The following CTNNA1 variants were observed in gnomAD, a reference collection of about 807,000 sequenced individuals.
The protein encoded by CTNNA1 is catenin alpha-1.
A neutral mutation model predicts 98.4 loss-of-function variants in CTNNA1; 37 were observed. The observed-to-expected ratio is 0.38, with a 90% confidence interval of 0.29 to 0.49. The LOEUF is 0.49. CTNNA1 is among the 20% of genes least tolerant of loss of function. The pLI is 0.95. For synonymous variants in CTNNA1, 404 were observed against 413.2 expected (o/e 0.98, Z 0.27); for missense variants, 761 against 1,147.2 (o/e 0.66, Z 4.86).
At chr5:138,755,705 C>CTG (rs991571037) in intron 1 of CTNNA1, among the ~76,000 whole-genome samples, 7 of 152,172 alleles carry the variant, frequency 4.6e-5, no homozygotes, top group African/African-American at 1.7e-4. Flanking sequence ...ACATGGTCAC[C>CTG]TGTGCATTGG....
chr5:138,926,380 G>A (rs1764039026), intron 13 of CTNNA1, among the ~76,000 whole-genome samples: 1 of 152,226 alleles, frequency 6.6e-6, no homozygotes, highest in East Asian at 1.9e-4. Context: ...GCTCTCCTGA[G>A]CACAGTGCAG....
At chr5:138,796,975 A>C (rs1757053218) in intron 3 of CTNNA1, among the ~76,000 whole-genome samples, 2 of 152,204 alleles carry the variant, frequency 1.3e-5, no homozygotes, top group Admixed American at 1.3e-4. Context: ...GAAAATTTTA[A>C]AAATGAGATT....
chr5:138,854,446 A>T (rs1293284366), intron 7 of CTNNA1, among the ~76,000 whole-genome samples: 1 of 152,204 alleles, frequency 6.6e-6, no homozygotes, highest in Non-Finnish European at 1.5e-5. Flanking sequence ...GAACACATGT[A>T]CTTGTGTCTG....
Position 138,932,729 on chromosome 5 carries a change from C to G in CTNNA1, c.2433+17C>G, listed in dbSNP as rs749721936. 1 of 1,613,086 alleles carries G rather than the reference C, an allele frequency of 6.2e-7. No homozygotes were observed. The highest frequency in any genetic ancestry group is 8.5e-7 in the Non-Finnish European group (1 of 1,179,600). ...GTCTCTGGGGTAAGCATTAGCTGAACAAAAAGAGGGCCAGTGGGAACGTGC... is the reference window on the plus strand; with the variant it reads ...GTCTCTGGGGTAAGCATTAGCTGAAGAAAAAGAGGGCCAGTGGGAACGTGC... On this transcript the variant is annotated intron_variant, in intron 17 of 17. Coordinates refer to ENST00000302763, the MANE Select transcript of CTNNA1 (RefSeq NM_001903.5).
chr5:138,769,760 C>G (rs906001046), intron 1 of CTNNA1, among the ~76,000 whole-genome samples: 1 of 151,744 alleles, frequency 6.6e-6, no homozygotes, highest in Admixed American at 6.6e-5. Context: ...CTCGAACTCC[C>G]GACCTCAGGT....
chr5:138,915,587 A>C (rs116717602), intron 10 of CTNNA1, among the ~76,000 whole-genome samples: 1,602 of 152,352 alleles, frequency 0.011, 26 homozygotes, highest in African/African-American at 0.037. Flanking sequence ...CCAGAGAAGT[A>C]AAAACACAGA....
At chr5:138,887,718 C>A (rs1311876809) in intron 9 of CTNNA1, 76 bp downstream of exon 9, 6 of 1,306,092 alleles carry the variant, frequency 4.6e-6, no homozygotes, top group Middle Eastern at 3.8e-4. Context: ...ATTATTTAAT[C>A]AGTTAAAATT....
chr5:138,770,229 C>G (rs927029207), intron 1 of CTNNA1, among the ~76,000 whole-genome samples: 4 of 152,060 alleles, frequency 2.6e-5, no homozygotes, highest in Non-Finnish European at 4.4e-5. Context: ...TTTCTTTTTT[C>G]TCTTGTGCCT....
chr5:138,776,552 C>T (rs994601807), intron 1 of CTNNA1, among the ~76,000 whole-genome samples: 2 of 152,208 alleles, frequency 1.3e-5, no homozygotes, highest in African/African-American at 4.8e-5. Flanking sequence ...TCTCAATGAG[C>T]TGCTGGGCAC....
At chr5:138,819,894 C>T (rs1170380321) in intron 5 of CTNNA1, among the ~76,000 whole-genome samples, 3 of 151,606 alleles carry the variant, frequency 2.0e-5, no homozygotes, top group Admixed American at 2.0e-4. Context: ...CCTTGCTGTT[C>T]TTGGGAGTGA....
intron 1 of CTNNA1, among the ~76,000 whole-genome samples, chr5:138,763,978 A>G (rs1752632998): frequency 6.6e-6 from 1 of 152,172 alleles, no homozygotes; most frequent in Non-Finnish European, 1.5e-5. Context: ...TGAGGTCAGG[A>G]GTTCAAGACT....
intron 7 of CTNNA1, chr5:138,880,767 G>T (rs915822676): frequency 6.8e-6 from 2 of 293,292 alleles, no homozygotes; most frequent in East Asian, 1.6e-4. Context: ...TTGAAGAATC[G>T]TTCAATTTTA....
chr5:138,874,755 ACATGTCTC>A lies in CTNNA1; in HGVS notation c.1063-11456_1063-11449del, dbSNP rs1484782506. On this transcript the variant is annotated intron_variant, in intron 7 of 17. Transcript: ENST00000302763. This position sits in a 1 kb window ranked among gnomAD's most constrained non-coding sequence, Gnocchi z 4.1. Reference sequence around the variant, plus strand: ...TTAAGCCATTTAAAAAGAAGATAAAACATGTCTCTGTCATCATCGATATATGCTTTTAC... The same window carrying A: ...TTAAGCCATTTAAAAAGAAGATAAAATGTCATCATCGATATATGCTTTTAC... Among the ~76,000 whole-genome samples the A allele has an allele frequency of 2.0e-5, 3 of 152,148 alleles. No homozygotes were observed. The highest frequency in any genetic ancestry group is 4.4e-5 in the Non-Finnish European group (3 of 68,028).
intron 8 of CTNNA1, among the ~76,000 whole-genome samples, 178 bp downstream of exon 8, chr5:138,886,470 T>C (rs1395094562): frequency 1.3e-5 from 2 of 152,198 alleles, no homozygotes; most frequent in Non-Finnish European, 2.9e-5. Context: ...TCAAATTTCA[T>C]GAAGACATGG....
intron 7 of CTNNA1, among the ~76,000 whole-genome samples, chr5:138,833,335 G>A (rs1761463102): frequency 6.6e-6 from 1 of 152,134 alleles, no homozygotes; most frequent in African/African-American, 2.4e-5. Context: ...TATTCAGTGT[G>A]GTAGCCACTC....
At chr5:138,876,048 T>C (rs1277203078) in intron 7 of CTNNA1, among the ~76,000 whole-genome samples, 2 of 152,184 alleles carry the variant, frequency 1.3e-5, no homozygotes, top group African/African-American at 2.4e-5. Context: ...GCTGAGTTGA[T>C]CTTTAAATGT....
At chr5:138,865,206 CCCTGTTGT>C (rs1442700809) in intron 7 of CTNNA1, among the ~76,000 whole-genome samples, 4 of 152,134 alleles carry the variant, frequency 2.6e-5, no homozygotes, top group Non-Finnish European at 5.9e-5. Context: ...TGTGTTGGAG[CCCTGTTGT>C]CTGGTCCCAG....
At chr5:138,835,294 A>G (rs539908255) in intron 7 of CTNNA1, among the ~76,000 whole-genome samples, 3 of 152,186 alleles carry the variant, frequency 2.0e-5, no homozygotes, top group Admixed American at 6.5e-5. Context: ...AGTATTTTCC[A>G]TGCTAGACTG....
chr5:138,857,924 A>T (rs1164943313), intron 7 of CTNNA1, among the ~76,000 whole-genome samples: 1 of 152,202 alleles, frequency 6.6e-6, no homozygotes, highest in African/African-American at 2.4e-5. Flanking sequence ...CATGTAGGGA[A>T]GCTGAAAGAA....
Sources: allele counts gnomAD v4.1 joint callset (sites outside exome capture counted in the v4.1 genomes callset), GRCh38; gene constraint gnomAD v4.1.1; non-coding constraint Gnocchi (gnomAD v3.1); transcripts MANE v1.5; gene names NCBI Gene and HGNC (gene_info 2026-07-23, HGNC 2026-07-21).